The following SLC25A21 variants were observed in gnomAD, a reference collection of about 807,000 sequenced individuals.
SLC25A21 encodes solute carrier family 25 member 21, also known as mitochondrial 2-oxodicarboxylate carrier.
In SLC25A21, 47 loss-of-function variants were observed where a neutral mutation model predicts 43.8. That is an observed-to-expected ratio of 1.07 (90% confidence interval 0.85 to 1.37). The LOEUF is 1.37. Among genes scored for constraint, SLC25A21 ranks in the 40% most tolerant of loss-of-function variants. The pLI is 0.00. For missense variants in SLC25A21, 352 were observed against 350.2 expected (o/e 1.00, Z -0.04); for synonymous variants, 131 against 121.3 (o/e 1.08, Z -0.52).
chr14:36,861,524 A>G (rs1268369030), intron 2 of SLC25A21, among the ~76,000 whole-genome samples: 3 of 152,170 alleles, frequency 2.0e-5, no homozygotes, highest in Non-Finnish European at 2.9e-5. Context: ...GGAGAGCCCA[A>G]GTAAGAATCC....
chr14:36,864,569 T>C (rs1890158734), intron 2 of SLC25A21, among the ~76,000 whole-genome samples: 1 of 152,210 alleles, frequency 6.6e-6, no homozygotes, highest in South Asian at 2.1e-4. Flanking sequence ...AGAGAAACCC[T>C]ATTATGGTCA....
chr14:37,084,927 TA>T (rs1236096956), intron 1 of SLC25A21, among the ~76,000 whole-genome samples: 1 of 152,236 alleles, frequency 6.6e-6, no homozygotes, highest in Non-Finnish European at 1.5e-5. Context: ...TATTGTACCA[TA>T]ATGTTTATTT....
At chr14:37,030,790 C>A (rs1961194916) in intron 1 of SLC25A21, among the ~76,000 whole-genome samples, 1 of 152,066 alleles carries the variant, frequency 6.6e-6, no homozygotes, top group African/African-American at 2.4e-5. Flanking sequence ...TCAAAGAAAC[C>A]CCTAGCTGAT....
chr14:36,743,553 T>C (rs1376479192), intron 3 of SLC25A21, among the ~76,000 whole-genome samples: 2 of 151,972 alleles, frequency 1.3e-5, no homozygotes, highest in African/African-American at 4.8e-5. Context: ...GCCATCCATA[T>C]ATGACACACC....
At chr14:36,835,189 G>A (rs977640853) in intron 2 of SLC25A21, among the ~76,000 whole-genome samples, 4 of 152,282 alleles carry the variant, frequency 2.6e-5, no homozygotes, top group Non-Finnish European at 4.4e-5. Context: ...TCACTTTCAC[G>A]ATAGGCTAAC....
chr14:37,153,493 G>T (rs139779905), intron 1 of SLC25A21, among the ~76,000 whole-genome samples: 1 of 152,204 alleles, frequency 6.6e-6, no homozygotes, highest in Non-Finnish European at 1.5e-5. Context: ...ACTTGGTTGC[G>T]AGTTGGGTGG....
intron 3 of SLC25A21, among the ~76,000 whole-genome samples, chr14:36,800,933 T>C (rs1887849101): frequency 6.6e-6 from 1 of 152,158 alleles, no homozygotes; most frequent in South Asian, 2.1e-4. Flanking sequence ...GATGATGGTG[T>C]TTTCCTCCAA....
chr14:36,698,928 G>A (rs1883157501), intron 7 of SLC25A21, among the ~76,000 whole-genome samples: 1 of 152,084 alleles, frequency 6.6e-6, no homozygotes, highest in Non-Finnish European at 1.5e-5. Flanking sequence ...CTGTCAACTC[G>A]TCAAACTCAT....
chr14:37,143,189 A>T (rs1353855433), intron 1 of SLC25A21, among the ~76,000 whole-genome samples: 1 of 152,234 alleles, frequency 6.6e-6, no homozygotes, highest in Non-Finnish European at 1.5e-5. Context: ...AAGTTAAAAA[A>T]GTTTGGACAA....
At chr14:37,129,736 C>T (rs1282535858) in intron 1 of SLC25A21, among the ~76,000 whole-genome samples, 1 of 150,410 alleles carries the variant, frequency 6.6e-6, no homozygotes, top group Non-Finnish European at 1.5e-5. Context: ...GTGCCTATAG[C>T]CCTTAAAATA....
At chr14:36,819,654 A>G (rs565528707) in intron 2 of SLC25A21, among the ~76,000 whole-genome samples, 18 of 152,310 alleles carry the variant, frequency 1.2e-4, no homozygotes, top group African/African-American at 4.1e-4. Context: ...TTTATTTCCA[A>G]AGTAATTTTA....
chr14:36,812,895 A>C (rs1407536279), intron 3 of SLC25A21, among the ~76,000 whole-genome samples: 7 of 152,162 alleles, frequency 4.6e-5, no homozygotes, highest in Admixed American at 4.6e-4. Context: ...AATGGAACCC[A>C]ACAGAACCTA....
chr14:37,076,874 C>T (rs1055335597), intron 1 of SLC25A21, among the ~76,000 whole-genome samples: 3 of 152,140 alleles, frequency 2.0e-5, no homozygotes, highest in African/African-American at 7.2e-5. Context: ...TTTTCAAATT[C>T]CTAGGCCACT....
chr14:36,874,546 G>A (rs712382), intron 2 of SLC25A21, among the ~76,000 whole-genome samples: 50,676 of 152,044 alleles, frequency 0.33, 9,113 homozygotes, highest in East Asian at 0.43. Flanking sequence ...TAAGCACTAT[G>A]TAAAAAGCTT....
At chr14:36,996,102 T>G (rs956719197) in intron 1 of SLC25A21, among the ~76,000 whole-genome samples, 6 of 152,268 alleles carry the variant, frequency 3.9e-5, no homozygotes, top group African/African-American at 1.4e-4. Flanking sequence ...CTATTCTGTT[T>G]TCACCATGAC....
At chr14:36,856,897 T>C (rs1889916195) in intron 2 of SLC25A21, among the ~76,000 whole-genome samples, 1 of 152,186 alleles carries the variant, frequency 6.6e-6, no homozygotes, top group African/African-American at 2.4e-5. Context: ...TGCTTTCTTT[T>C]CATGTAATTT....
chr14:36,831,499 C>T (rs568753871), intron 2 of SLC25A21, among the ~76,000 whole-genome samples: 1 of 152,172 alleles, frequency 6.6e-6, no homozygotes, highest in African/African-American at 2.4e-5. Context: ...ATAGCTGTAC[C>T]CAGATATATG....
At chr14:37,117,107 T>C (rs1380744293) in intron 1 of SLC25A21, among the ~76,000 whole-genome samples, 1 of 152,164 alleles carries the variant, frequency 6.6e-6, no homozygotes, top group Non-Finnish European at 1.5e-5. Context: ...ACTCTTGATA[T>C]TGACAAAGGG....
intron 1 of SLC25A21, among the ~76,000 whole-genome samples, chr14:36,890,735 T>C (rs1891050897): frequency 1.3e-5 from 2 of 152,132 alleles, no homozygotes. Flanking sequence ...CGTGGAGGAG[T>C]AACACATTCA....
Sources: gnomAD v4.1 joint callset for allele counts (sites outside exome capture counted in the v4.1 genomes callset) on GRCh38, gnomAD v4.1.1 for gene constraint, MANE v1.5 for transcripts, NCBI Gene and HGNC (gene_info 2026-07-23, HGNC 2026-07-21) for gene names.